Variants in NRF1 observed in about 807,000 individuals in gnomAD.
NRF1 encodes the protein alpha palindromic-binding protein.
NRF1 carries 5 observed loss-of-function variants against 58.5 expected under a neutral mutation model. The ratio of observed to expected loss-of-function variants is 0.09; its 90% CI spans 0.04 to 0.18. The LOEUF (loss-of-function observed/expected upper bound fraction) is 0.18, where lower values mean the gene tolerates loss of function less well. NRF1 is among the 10% of genes least tolerant of loss of function. NRF1 has a pLI of 1.00. For synonymous variants in NRF1, 224 were observed against 246.7 expected (o/e 0.91, Z 0.86); for missense variants, 288 against 657.7 (o/e 0.44, Z 6.15).
At position 129,642,756 on chromosome 7, in the gene NRF1, A is replaced by ACTTTTTTTTTTTTTTTTTTTTTTTT. The variant is rs1562957544; in HGVS notation, c.-6-14590_-6-14589insCTTTTTTTTTTTTTTTTTTTTTTTT. On this transcript the variant is annotated intron_variant, in intron 1 of 10. Coordinates refer to ENST00000393232, the MANE Select transcript of NRF1 (RefSeq NM_005011.5). ...TTCTAAAAGAATACATTCTTTAAAA[A>ACTTTTTTTTTTTTTTTTTTTTTTTT]ATTTTTTTTTTTTTTTTTTTAAATG... 3.8e-5 allele frequency among the ~76,000 whole-genome samples: 5 copies of ACTTTTTTTTTTTTTTTTTTTTTTTT among 131,718 alleles called. 1 individual carries two copies. The East Asian group carries it at 1.0e-3, about 27-fold the overall frequency. 86.4% of individuals were successfully genotyped at this position (131,718 alleles called of 152,430 possible).
chr7:129,676,576 G>A (rs1802184377), intron 3 of NRF1, among the ~76,000 whole-genome samples: 1 of 152,244 alleles, frequency 6.6e-6, no homozygotes, highest in Non-Finnish European at 1.5e-5. Context: ...GCCATCTTTT[G>A]TGGGCACTGT....
At chr7:129,657,260 G>T (rs1801676715) in intron 1 of NRF1, 86 bp from the exon 2 acceptor site, 4 of 998,792 alleles carry the variant, frequency 4.0e-6, no homozygotes, top group Non-Finnish European at 6.1e-6. Context: ...AGGTTCCTCT[G>T]CTCTTGAATA....
At chr7:129,734,608 C>T (rs1320366132) in intron 10 of NRF1, among the ~76,000 whole-genome samples, 4 of 152,228 alleles carry the variant, frequency 2.6e-5, no homozygotes, top group Non-Finnish European at 4.4e-5. Flanking sequence ...TCCCTCTGCA[C>T]ACACACAGGC....
chr7:129,742,387 T>A (rs1197380654), intron 10 of NRF1, among the ~76,000 whole-genome samples: 2 of 151,486 alleles, frequency 1.3e-5, no homozygotes, highest in Non-Finnish European at 2.9e-5. Flanking sequence ...TGAGTGAGAC[T>A]ACAAAGACCA....
chr7:129,618,410 A>C (rs1477400901), intron 1 of NRF1, among the ~76,000 whole-genome samples: 1 of 152,250 alleles, frequency 6.6e-6, no homozygotes, highest in East Asian at 1.9e-4. Flanking sequence ...TAGAAACTGC[A>C]GAAAGCCAGG....
chr7:129,615,008 CCTTTT>C (rs1383462039), intron 1 of NRF1, among the ~76,000 whole-genome samples: 2 of 152,042 alleles, frequency 1.3e-5, no homozygotes, highest in African/African-American at 4.8e-5. Flanking sequence ...AATTTTTATG[CCTTTT>C]CTTGTATGGA....
chr7:129,614,979 C>T (rs1800630718), intron 1 of NRF1, among the ~76,000 whole-genome samples: 2 of 152,150 alleles, frequency 1.3e-5, no homozygotes, highest in Non-Finnish European at 1.5e-5. Context: ...GAAATTTAAG[C>T]TCCTGTGGTC....
At position 129,636,557 on chromosome 7, in the gene NRF1, GT is replaced by G. The variant is rs532852857; in HGVS notation, c.-6-20782del. 3.9e-5 allele frequency among the ~76,000 whole-genome samples: 6 copies of G among 152,162 alleles called. No individual in the cohort carries two copies. The South Asian group carries it at 1.0e-3, about 26-fold the overall frequency. On this transcript the variant is annotated intron_variant, in intron 1 of 10. Transcript: ENST00000393232. Reference sequence around the variant, plus strand: ...GCCACTGCACCTGGCTTTTCAATGGGTTTTTTTAGAACAAAGTTTAGAATGA... The same window carrying G: ...GCCACTGCACCTGGCTTTTCAATGGGTTTTTTAGAACAAAGTTTAGAATGA...
chr7:129,751,867 G>A (rs1008883507), intron 10 of NRF1, among the ~76,000 whole-genome samples: 2 of 152,190 alleles, frequency 1.3e-5, no homozygotes, highest in Admixed American at 1.3e-4. Context: ...TTGACCAGAA[G>A]AGAGCCTGAT....
At chr7:129,642,757 ATTTTTTTTT>A (rs1186472112) in intron 1 of NRF1, among the ~76,000 whole-genome samples, 4 of 109,748 alleles carry the variant, frequency 3.6e-5, no homozygotes, top group Non-Finnish European at 5.4e-5. Flanking sequence ...TCTTTAAAAA[ATTTTTTTTT>A]TTTTTTTTTT....
At chr7:129,646,910 G>T (rs920815200) in intron 1 of NRF1, among the ~76,000 whole-genome samples, 16 of 152,180 alleles carry the variant, frequency 1.1e-4, no homozygotes, top group Admixed American at 7.9e-4. Flanking sequence ...CTGCCTGGGT[G>T]TAGCTTTAGT....
rs1255895761 is a variant in NRF1 at position 129,719,543 on chromosome 7, C to CACACACACACACAA, written c.1223+2168_1223+2169insCACACACACACAAA. On this transcript the variant is annotated intron_variant, in intron 9 of 10. Transcript: ENST00000393232. ...ACACACACACACACACACACACACA[C>CACACACACACACAA]AACACATCTTCTCAGAGTTACCTAG... is the stretch of plus-strand genomic sequence containing the variant. Among the ~76,000 whole-genome samples the CACACACACACACAA allele has an allele frequency of 1.1e-3, 155 of 142,162 alleles. 1 individual carries two copies. The highest frequency in any genetic ancestry group is 3.8e-3 in the African/African-American group (145 of 37,748). The allele number at this position is 142,162 out of a possible 152,430, so 93.3% of individuals were successfully genotyped here. A position where few individuals can be genotyped will look rare whatever the true frequency, so the allele number is the denominator to read the frequency against.
chr7:129,721,478 G>A (rs1803321232), intron 9 of NRF1, among the ~76,000 whole-genome samples: 1 of 149,794 alleles, frequency 6.7e-6, no homozygotes, highest in Non-Finnish European at 1.5e-5. Context: ...TTTGCTCTTA[G>A]TCTTTTTTTT....
intron 4 of NRF1, among the ~76,000 whole-genome samples, chr7:129,683,341 G>A (rs1001525053): frequency 4.0e-5 from 6 of 150,026 alleles, no homozygotes; most frequent in East Asian, 2.0e-4. Flanking sequence ...GAGAGAGAGA[G>A]AGAGAAAGAG....
chr7:129,717,068 A>G (rs1323227454), intron 8 of NRF1, 151 bp from the exon 9 acceptor site: 2 of 675,750 alleles, frequency 3.0e-6, no homozygotes, highest in African/African-American at 1.9e-5. Flanking sequence ...AAAAGGTAGC[A>G]TGCTTAAAGC....
intron 1 of NRF1, among the ~76,000 whole-genome samples, chr7:129,630,348 C>G (rs1377744863): frequency 6.6e-6 from 1 of 152,176 alleles, no homozygotes; most frequent in African/African-American, 2.4e-5. Context: ...TGAGCCTTGC[C>G]TGGGTCCTAT....
intron 2 of NRF1, among the ~76,000 whole-genome samples, chr7:129,659,347 G>A (rs971017116): frequency 7.9e-5 from 12 of 152,246 alleles, no homozygotes; most frequent in African/African-American, 2.9e-4. Flanking sequence ...CCAGAGTGCT[G>A]GGATTATAGG....
At chr7:129,682,775 C>G (rs1319967838) in intron 4 of NRF1, among the ~76,000 whole-genome samples, 2 of 151,916 alleles carry the variant, frequency 1.3e-5, no homozygotes, top group African/African-American at 4.8e-5. Flanking sequence ...GTGCTCCAGC[C>G]TGGGTGACAG....
intron 1 of NRF1, among the ~76,000 whole-genome samples, chr7:129,621,308 T>A (rs1001171575): frequency 2.0e-5 from 3 of 152,208 alleles, no homozygotes; most frequent in Admixed American, 2.0e-4. Flanking sequence ...ACAACTTTTA[T>A]TTATTTTACC....
Sources: allele counts gnomAD v4.1 joint callset (sites outside exome capture counted in the v4.1 genomes callset), GRCh38; gene constraint gnomAD v4.1.1; transcripts MANE v1.5; gene names NCBI Gene and HGNC (gene_info 2026-07-23, HGNC 2026-07-21).